GRIN2A: variants seen among roughly 807,000 people sequenced by gnomAD.
GRIN2A encodes glutamate receptor ionotropic, NMDA 2A.
A neutral mutation model predicts 113.4 loss-of-function variants in GRIN2A; 22 were observed. The observed-to-expected ratio is 0.19, with a 90% CI of 0.14 to 0.28. The LOEUF (loss-of-function observed/expected upper bound fraction) is 0.28. Among genes scored for constraint, GRIN2A ranks in the 10% least tolerant of loss-of-function variants. The pLI is 1.00. For synonymous variants in GRIN2A, 827 were observed against 738.4 expected (o/e 1.12, Z -1.94); for missense variants, 1,502 against 1,887.0 (o/e 0.80, Z 3.78).
chr16:10,069,276 G>A (rs1031795263), intron 2 of GRIN2A, among the ~76,000 whole-genome samples: 1 of 152,188 alleles, frequency 6.6e-6, no homozygotes, highest in Non-Finnish European at 1.5e-5. Context: ...ATTTGAAGGA[G>A]AATAATTATA....
chr16:9,979,491 T>G (rs1232318294), intron 2 of GRIN2A, among the ~76,000 whole-genome samples: 2 of 152,200 alleles, frequency 1.3e-5, no homozygotes, highest in Admixed American at 6.5e-5. Flanking sequence ...GATTTCAGCT[T>G]AAACGTCTCA....
intron 2 of GRIN2A, among the ~76,000 whole-genome samples, chr16:10,013,873 A>G (rs1035559749): frequency 6.6e-6 from 1 of 152,154 alleles, no homozygotes; most frequent in African/African-American, 2.4e-5. Flanking sequence ...AAATCCAGCT[A>G]TTGATTCAGC....
intron 2 of GRIN2A, among the ~76,000 whole-genome samples, chr16:10,101,984 ATAG>A (rs1368190559): frequency 2.6e-5 from 4 of 152,214 alleles, no homozygotes; most frequent in South Asian, 2.1e-4. Flanking sequence ...CCTAGAGATA[ATAG>A]TAATAGCAGT....
At chr16:10,181,335 G>A (rs533588928) in intron 1 of GRIN2A, among the ~76,000 whole-genome samples, 2 of 152,364 alleles carry the variant, frequency 1.3e-5, no homozygotes, top group Non-Finnish European at 2.9e-5. Flanking sequence ...ACGTGCGTAG[G>A]GGGAAAGGTA....
chr16:10,061,143 C>T (rs1029976553), intron 2 of GRIN2A, among the ~76,000 whole-genome samples: 1 of 152,156 alleles, frequency 6.6e-6, no homozygotes, highest in Non-Finnish European at 1.5e-5. Context: ...TCTTCTCCTC[C>T]TTATTCTTGT....
chr16:10,042,412 T>G (rs35467724), intron 2 of GRIN2A, among the ~76,000 whole-genome samples: 1 of 151,804 alleles, frequency 6.6e-6, no homozygotes, highest in Non-Finnish European at 1.5e-5. Flanking sequence ...AATCAATAAA[T>G]GAGGCCCCCT....
intron 3 of GRIN2A, 97 bp from the exon 4 acceptor site, chr16:9,891,197 A>T: frequency 1.3e-6 from 1 of 753,962 alleles, no homozygotes; most frequent in Non-Finnish European, 2.4e-6. Context: ...CTGAAAAATT[A>T]TAAACTTACA....
intron 2 of GRIN2A, among the ~76,000 whole-genome samples, chr16:9,974,330 G>A (rs1171157217): frequency 2.6e-5 from 4 of 152,116 alleles, no homozygotes; most frequent in African/African-American, 4.8e-5. Flanking sequence ...GTTAAAGATC[G>A]ACCCCTGACC....
At chr16:10,025,777 A>T (rs1248089847) in intron 2 of GRIN2A, among the ~76,000 whole-genome samples, 1 of 152,162 alleles carries the variant, frequency 6.6e-6, no homozygotes, top group East Asian at 1.9e-4. Flanking sequence ...AGAGACAGGC[A>T]GGCTAGGGGA....
At chr16:9,962,656 C>G (rs1257212928) in intron 2 of GRIN2A, among the ~76,000 whole-genome samples, 1 of 152,162 alleles carries the variant, frequency 6.6e-6, no homozygotes, top group Non-Finnish European at 1.5e-5. Flanking sequence ...CATTTTTACA[C>G]TGTTGGTGGG....
chr16:10,128,398 C>G (rs763410250), intron 2 of GRIN2A, among the ~76,000 whole-genome samples: 1 of 152,166 alleles, frequency 6.6e-6, no homozygotes, highest in Non-Finnish European at 1.5e-5. Context: ...TTTGCAGCTA[C>G]ACACTTAAGG....
At chr16:9,869,234 A>C (rs959073162) in intron 4 of GRIN2A, among the ~76,000 whole-genome samples, 1 of 152,188 alleles carries the variant, frequency 6.6e-6, no homozygotes, top group Non-Finnish European at 1.5e-5. Flanking sequence ...GGAGTTTGAG[A>C]CCAGCCCGGG....
intron 5 of GRIN2A, among the ~76,000 whole-genome samples, chr16:9,845,752 TA>T (rs773050918): frequency 6.6e-6 from 1 of 152,172 alleles, no homozygotes; most frequent in Non-Finnish European, 1.5e-5. Flanking sequence ...TATATCACCT[TA>T]AATCTTATCT....
chr16:9,834,370 C>A, intron 7 of GRIN2A, 140 bp from the exon 8 acceptor site: 1 of 790,392 alleles, frequency 1.3e-6, no homozygotes. Context: ...AGAAGCTAAT[C>A]ATTTTTTATT....
At chr16:10,012,247 T>C (rs1032743841) in intron 2 of GRIN2A, among the ~76,000 whole-genome samples, 5 of 152,238 alleles carry the variant, frequency 3.3e-5, no homozygotes, top group Non-Finnish European at 5.9e-5. Context: ...CAATGTTGAA[T>C]TGAACTGATT....
chr16:10,032,815 C>T (rs1326015467), intron 2 of GRIN2A, among the ~76,000 whole-genome samples: 1 of 152,172 alleles, frequency 6.6e-6, no homozygotes, highest in Non-Finnish European at 1.5e-5. Flanking sequence ...TGCCTGACTC[C>T]CAGCTGCAAC....
intron 2 of GRIN2A, among the ~76,000 whole-genome samples, chr16:9,957,066 C>T (rs1171834838): frequency 6.6e-6 from 1 of 152,202 alleles, no homozygotes; most frequent in African/African-American, 2.4e-5. Flanking sequence ...AATTCCCTGG[C>T]TGCTAATCAG....
intron 2 of GRIN2A, among the ~76,000 whole-genome samples, chr16:9,985,552 A>T (rs1349036926): frequency 6.6e-6 from 1 of 152,134 alleles, no homozygotes; most frequent in East Asian, 1.9e-4. Context: ...TATGGATGGA[A>T]CTGGAGGTTA....
intron 9 of GRIN2A, among the ~76,000 whole-genome samples, chr16:9,825,414 A>T (rs974927248): frequency 2.0e-5 from 3 of 151,948 alleles, no homozygotes; most frequent in Non-Finnish European, 4.4e-5. Flanking sequence ...TTATTTTCTA[A>T]TTTTTTTTCC....
Sources: gnomAD v4.1 joint callset for allele counts (sites outside exome capture counted in the v4.1 genomes callset) on GRCh38, gnomAD v4.1.1 for gene constraint, MANE v1.5 for transcripts, NCBI Gene and HGNC (gene_info 2026-07-23, HGNC 2026-07-21) for gene names.